SAMD5: variants seen among roughly 807,000 people sequenced by gnomAD.
SAMD5 encodes sterile alpha motif domain-containing protein 5.
Under a neutral mutation model 11.3 loss-of-function variants are expected in SAMD5, and 13 were observed. That is an observed-to-expected ratio of 1.15 (90% CI 0.75 to 1.83). SAMD5 has a LOEUF of 1.83. SAMD5 is among the 40% of genes most tolerant of loss of function. The pLI, the probability that SAMD5 is intolerant of heterozygous loss-of-function variation, is 0.00. For synonymous variants in SAMD5, 129 were observed against 111.3 expected, an observed-to-expected ratio of 1.16 and a Z score of -1.00; for missense variants, 255 against 239.1, an observed-to-expected ratio of 1.07 and a Z score of -0.44.
the SAMD5 span, among the ~76,000 whole-genome samples, chr6:147,943,619 C>T: frequency 6.6e-6 from 1 of 152,076 alleles, no homozygotes; most frequent in Non-Finnish European, 1.5e-5. Flanking sequence ...CTGCAAACTT[C>T]AATAGTTTGG....
chr6:147,558,602 C>A (rs1788894975), intron 1 of SAMD5, among the ~76,000 whole-genome samples: 1 of 152,060 alleles, frequency 6.6e-6, no homozygotes, highest in Admixed American at 6.5e-5. Context: ...AATCTCCCCC[C>A]CGTCCTCCTA....
At chr6:147,706,493 G>T (rs1183152053) in intron 1 of SAMD5, among the ~76,000 whole-genome samples, 3 of 152,212 alleles carry the variant, frequency 2.0e-5, no homozygotes, top group Non-Finnish European at 4.4e-5. Context: ...CTGCCAAAGT[G>T]CTGGGACTAC....
intron 1 of SAMD5, among the ~76,000 whole-genome samples, chr6:147,626,337 T>G (rs1273810211): frequency 2.0e-5 from 3 of 152,110 alleles, no homozygotes; most frequent in Non-Finnish European, 4.4e-5. Context: ...ATTTTCTTAC[T>G]GCTAGAGGCA....
chr6:147,613,387 C>A lies in SAMD5; in HGVS notation c.162+104000C>A, dbSNP rs770306651. Among the ~76,000 whole-genome samples, 114 of 151,826 alleles carry A rather than the reference C, an allele frequency of 7.5e-4. 2 individuals carry two copies. Among genetic ancestry groups the A allele is most frequent in the Non-Finnish European group, 1.5e-3 (99 of 68,038 alleles). On this transcript the variant is annotated intron_variant, in intron 1 of 1. Coordinates refer to the SAMD5 transcript ENST00000566741. The stretch of plus-strand genomic sequence containing the variant: ...ACTAAGAGATAGTCTGATCCATTGT[C>A]AAACTTCTGGCCCCCTTTCTGGCTA...
the SAMD5 span, among the ~76,000 whole-genome samples, chr6:147,934,679 C>T: frequency 2.0e-5 from 3 of 152,072 alleles, no homozygotes; most frequent in Admixed American, 2.0e-4. Context: ...GGGAGCAAAA[C>T]AGAACCTATG....
At position 147,596,331 on chromosome 6, in the gene SAMD5, C is replaced by G. The variant is rs539425028; in HGVS notation, c.162+86944C>G. On this transcript the variant is annotated intron_variant, in intron 1 of 1. Transcript: ENST00000566741. Reference sequence around the variant, plus strand: ...CAGTGCCTTCGATACTGTAAACTTTCTTATAAAATATTCTCAAGCATTAAA... The same window carrying G: ...CAGTGCCTTCGATACTGTAAACTTTGTTATAAAATATTCTCAAGCATTAAA... 2.6e-5 allele frequency among the ~76,000 whole-genome samples: 4 copies of G among 152,310 alleles called. No homozygotes were observed. The South Asian group carries it at 6.2e-4, about 24-fold the overall frequency.
chr6:147,702,835 GTGTC>G (rs57976370), intron 1 of SAMD5, among the ~76,000 whole-genome samples: 3 of 152,008 alleles, frequency 2.0e-5, no homozygotes, highest in Admixed American at 1.3e-4. Flanking sequence ...GTGTGTGTGT[GTGTC>G]TGTCTGTCTG....
chr6:147,724,004 A>G (rs1183061732), intron 1 of SAMD5, among the ~76,000 whole-genome samples: 2 of 152,208 alleles, frequency 1.3e-5, no homozygotes, highest in South Asian at 2.1e-4. Flanking sequence ...TACTTCTTCA[A>G]TTGTATTGAG....
chr6:147,759,876 A>G, the SAMD5 span, among the ~76,000 whole-genome samples: 1 of 152,206 alleles, frequency 6.6e-6, no homozygotes, highest in Non-Finnish European at 1.5e-5. Context: ...ATTTTTTTAC[A>G]ATATTATACA....
chr6:147,558,161 G>A (rs1449430258), intron 1 of SAMD5, among the ~76,000 whole-genome samples: 2 of 152,120 alleles, frequency 1.3e-5, no homozygotes, highest in Non-Finnish European at 2.9e-5. Flanking sequence ...TAATGTTAAT[G>A]GTGATTTCAA....
At chr6:147,762,833 G>T in the SAMD5 span, among the ~76,000 whole-genome samples, 1 of 152,146 alleles carries the variant, frequency 6.6e-6, no homozygotes, top group East Asian at 1.9e-4. Context: ...TAGGTGATGT[G>T]ATGGGTACAG....
chr6:147,612,025 C>T (rs553634916), intron 1 of SAMD5, among the ~76,000 whole-genome samples: 1 of 152,296 alleles, frequency 6.6e-6, no homozygotes, highest in East Asian at 1.9e-4. Context: ...CCTATATATG[C>T]CTTTAGTCAT....
chr6:147,556,238 G>A (rs868486816), intron 1 of SAMD5, among the ~76,000 whole-genome samples: 14 of 152,016 alleles, frequency 9.2e-5, no homozygotes, highest in African/African-American at 2.7e-4. Flanking sequence ...GACTACAGGC[G>A]CCTGCCACCA....
the SAMD5 span, among the ~76,000 whole-genome samples, chr6:147,806,310 G>GCA: frequency 1.6e-5 from 2 of 124,656 alleles, no homozygotes; most frequent in Non-Finnish European, 3.3e-5. Context: ...GCATGCGCGC[G>GCA]CGCGCGCGCA....
chr6:147,655,306 C>T (rs1189394244), intron 1 of SAMD5, among the ~76,000 whole-genome samples: 1 of 152,142 alleles, frequency 6.6e-6, no homozygotes, highest in African/African-American at 2.4e-5. Flanking sequence ...TTTGTACTAT[C>T]TTGCTATGTG....
chr6:147,951,950 C>T, the SAMD5 span, among the ~76,000 whole-genome samples: 1 of 152,176 alleles, frequency 6.6e-6, no homozygotes, highest in Non-Finnish European at 1.5e-5. Flanking sequence ...GCAGGGGGGC[C>T]ATATTCATGT....
intron 1 of SAMD5, among the ~76,000 whole-genome samples, chr6:147,590,792 C>T (rs1411325283): frequency 6.6e-6 from 1 of 152,132 alleles, no homozygotes; most frequent in Admixed American, 6.6e-5. Flanking sequence ...AAAGCGAATG[C>T]TTTCTCAGAA....
chr6:147,525,061 T>C (rs1788315860), intron 1 of SAMD5, among the ~76,000 whole-genome samples: 1 of 151,892 alleles, frequency 6.6e-6, no homozygotes, highest in Non-Finnish European at 1.5e-5. Context: ...CCAAGAAACA[T>C]TGCTTTATAA....
chr6:147,823,486 A>T, the SAMD5 span, among the ~76,000 whole-genome samples: 1 of 152,244 alleles, frequency 6.6e-6, no homozygotes, highest in Non-Finnish European at 1.5e-5. Flanking sequence ...TTAGGGTTTA[A>T]ATGCCAGGAA....
Sources: allele counts gnomAD v4.1 joint callset (sites outside exome capture counted in the v4.1 genomes callset), GRCh38; gene constraint gnomAD v4.1.1; transcripts MANE v1.5; gene names NCBI Gene and HGNC (gene_info 2026-07-23, HGNC 2026-07-21).